Variants in CHMP3 observed in about 807,000 individuals in gnomAD.
CHMP3 encodes the protein 25.1 protein.
In CHMP3, 8 loss-of-function variants were observed where a neutral mutation model predicts 27.4. That is an observed-to-expected ratio of 0.29 (90% CI 0.17 to 0.53). The LOEUF is 0.53. Among genes scored for constraint, CHMP3 ranks in the 20% least tolerant of loss-of-function variants. CHMP3 has a pLI of 0.96. For missense variants in CHMP3, 208 were observed against 271.5 expected, an observed-to-expected ratio of 0.77 and a Z score of 1.64; for synonymous variants, 86 against 85.5, an observed-to-expected ratio of 1.01 and a Z score of -0.03.
intron 2 of CHMP3, 84 bp downstream of exon 2, chr2:86,542,168 A>T: frequency 7.3e-7 from 1 of 1,376,538 alleles, no homozygotes; most frequent in Non-Finnish European, 1.0e-6. Flanking sequence ...ATGTCTTATG[A>T]TATATAAATG....
intron 2 of CHMP3, among the ~76,000 whole-genome samples, chr2:86,538,061 T>C (rs150926982): frequency 1.6e-4 from 25 of 152,302 alleles, no homozygotes; most frequent in Non-Finnish European, 3.1e-4. Context: ...ATATGGTATA[T>C]ACAGACAACG....
At chr2:86,522,639 T>C (rs960135879) in intron 3 of CHMP3, among the ~76,000 whole-genome samples, 3 of 152,184 alleles carry the variant, frequency 2.0e-5, no homozygotes, top group African/African-American at 7.2e-5. Flanking sequence ...GCCTTGTTTA[T>C]ACCTTCACTC....
chr2:86,543,990 C>T (rs891908723), intron 1 of CHMP3, among the ~76,000 whole-genome samples: 3 of 152,244 alleles, frequency 2.0e-5, no homozygotes, highest in Admixed American at 2.0e-4. Context: ...AGTTCCCTGG[C>T]AACCACTAAT....
chr2:86,529,112 C>A, intron 3 of CHMP3, 106 bp downstream of exon 3: 2 of 1,275,800 alleles, frequency 1.6e-6, no homozygotes, highest in South Asian at 1.9e-5. Flanking sequence ...TAAGAAAATA[C>A]AAAGAATAAA....
intron 2 of CHMP3, among the ~76,000 whole-genome samples, chr2:86,537,645 T>C (rs1231165478): frequency 6.6e-6 from 1 of 152,224 alleles, no homozygotes; most frequent in African/African-American, 2.4e-5. Flanking sequence ...TTTGGTTTTC[T>C]TTTTTGCTTT....
chr2:86,561,803 G>T (rs368778341), intron 1 of CHMP3: 10 of 152,128 alleles, frequency 6.6e-5, no homozygotes, highest in African/African-American at 1.9e-4. Flanking sequence ...CAATATACTA[G>T]AGTAGTATAG....
chr2:86,504,795 G>A lies in CHMP3; in HGVS notation c.*1009C>T, dbSNP rs1376785018. ...ACATACAACTTGGACCAGAGGATCT[G>A]GGTTTGAATCCCATCTCTGATACTT... On this transcript the variant is annotated 3_prime_UTR_variant, in exon 6 of 6. Coordinates refer to ENST00000263856, the MANE Select transcript of CHMP3 (RefSeq NM_016079.4). 2.0e-5 allele frequency: 3 copies of A among 152,106 alleles called. No individual in the cohort carries two copies. Among genetic ancestry groups the A allele is most frequent in the African/African-American group, 7.2e-5 (3 of 41,412 alleles). The allele number at this position is 152,106 out of a possible 1,614,324, so 9.4% of individuals were successfully genotyped here. A position where few individuals can be genotyped will look rare whatever the true frequency, so the allele number is the denominator to read the frequency against.
chr2:86,544,442 T>TA (rs1676484202), intron 1 of CHMP3, among the ~76,000 whole-genome samples: 1 of 151,968 alleles, frequency 6.6e-6, no homozygotes, highest in Non-Finnish European at 1.5e-5. Context: ...GGTCAGCAGA[T>TA]AAACACGTGA....
chr2:86,529,144 A>G, intron 3 of CHMP3, 74 bp downstream of exon 3: 1 of 1,392,508 alleles, frequency 7.2e-7, no homozygotes, highest in Non-Finnish European at 9.4e-7. Flanking sequence ...AGTTTTTCCT[A>G]TTCAAGGAAC....
chr2:86,532,615 T>C (rs1039020462), intron 2 of CHMP3, among the ~76,000 whole-genome samples: 3 of 152,310 alleles, frequency 2.0e-5, no homozygotes, highest in Admixed American at 6.5e-5. Flanking sequence ...TTTCTTTCTA[T>C]TCCTAGTTGT....
chr2:86,529,407 G>C lies in CHMP3; in HGVS notation c.107-10C>G. The C allele has an allele frequency of 6.4e-7, 1 of 1,572,252 alleles. No individual in the cohort carries two copies. Among genetic ancestry groups the C allele is most frequent in the Non-Finnish European group, 8.6e-7 (1 of 1,160,026 alleles). On this transcript the variant is annotated splice_polypyrimidine_tract_variant and intron_variant, in intron 2 of 5. Coordinates refer to ENST00000263856, the MANE Select transcript of CHMP3 (RefSeq NM_016079.4). ...TCTTCTCTTTGGATATCTAAATTTAGAACAGAACACCAAAAATCAAGGGTA... is the reference window on the plus strand; with the variant it reads ...TCTTCTCTTTGGATATCTAAATTTACAACAGAACACCAAAAATCAAGGGTA...
At chr2:86,525,293 T>A (rs1463426645) in intron 3 of CHMP3, among the ~76,000 whole-genome samples, 2 of 152,162 alleles carry the variant, frequency 1.3e-5, no homozygotes, top group African/African-American at 4.8e-5. Context: ...AACTTCAAAA[T>A]CAATAAAATT....
chr2:86,545,428 G>A (rs1676537366), intron 1 of CHMP3, among the ~76,000 whole-genome samples: 1 of 143,010 alleles, frequency 7.0e-6, no homozygotes, highest in Admixed American at 6.9e-5. Flanking sequence ...GGGGTGGCCG[G>A]GCAGAGGCGC....
At chr2:86,554,870 T>A (rs1345487223) in intron 1 of CHMP3, among the ~76,000 whole-genome samples, 5 of 145,092 alleles carry the variant, frequency 3.4e-5, no homozygotes, top group Non-Finnish European at 7.6e-5. Flanking sequence ...TTTTTTGAGA[T>A]GGAGTCCCGC....
rs753507067 is a variant in CHMP3 at position 86,510,456 on chromosome 2, G to C, written c.310C>G (p.Leu104Val). 5 of 1,613,482 alleles carry C rather than the reference G, an allele frequency of 3.1e-6. No individual in the cohort carries two copies. The African/African-American group carries it at 6.7e-5, about 22-fold the overall frequency. ...TTCATCACTTCTGTGCTCTTCTGCA[G>C]GGAACCAGCCACTCGCAAGACCGCT... ...QLAVLRVAGS[L>V]QKSTEVMKAM... Residue 104 changes from leucine (L) to valine (V), a missense_variant, in exon 4 of 6, where the codon CTG (leucine) becomes GTG (valine). Coordinates refer to ENST00000263856, the MANE Select transcript of CHMP3 (RefSeq NM_016079.4).
chr2:86,551,413 C>G (rs965481913), intron 1 of CHMP3, among the ~76,000 whole-genome samples: 1 of 152,050 alleles, frequency 6.6e-6, no homozygotes, highest in Non-Finnish European at 1.5e-5. Context: ...CCTGCCACCA[C>G]GCCCAGCTAC....
chr2:86,542,358 C>T (rs1676401619), intron 1 of CHMP3, 46 bp from the exon 2 acceptor site: 2 of 1,538,436 alleles, frequency 1.3e-6, no homozygotes, highest in Admixed American at 3.6e-5. Context: ...GCCGAAACTC[C>T]TAACTCAATC....
intron 3 of CHMP3, among the ~76,000 whole-genome samples, chr2:86,521,764 TCCTC>T (rs919989249): frequency 2.1e-4 from 32 of 152,342 alleles, no homozygotes; most frequent in African/African-American, 7.5e-4. Context: ...AGTCAGAATT[TCCTC>T]CCTTTTTACG....
intron 5 of CHMP3, 78 bp from the exon 6 acceptor site, chr2:86,506,027 G>C (rs1674872963): frequency 1.4e-6 from 2 of 1,413,554 alleles, no homozygotes; most frequent in Admixed American, 5.1e-5. Flanking sequence ...TTTCATTCCT[G>C]GACCAATCTG....
Sources: gnomAD v4.1 joint callset for allele counts (sites outside exome capture counted in the v4.1 genomes callset) on GRCh38, gnomAD v4.1.1 for gene constraint, MANE v1.5 for transcripts, NCBI Gene and HGNC (gene_info 2026-07-23, HGNC 2026-07-21) for gene names.